Variants in OPCML observed in about 807,000 individuals in gnomAD.
OPCML encodes the protein opioid binding protein/cell adhesion molecule like, also known as opioid-binding protein/cell adhesion molecule.
Under a neutral mutation model 37.8 loss-of-function variants are expected in OPCML, and 13 were observed. That is an observed-to-expected ratio of 0.34 (90% CI 0.22 to 0.55). The LOEUF (loss-of-function observed/expected upper bound fraction) is 0.55. Among genes scored for constraint, OPCML ranks in the 20% least tolerant of loss-of-function variants. The pLI is 0.91. For missense variants in OPCML, 341 were observed against 435.6 expected (o/e 0.78, Z 1.93); for synonymous variants, 176 against 168.8 (o/e 1.04, Z -0.33).
At chr11:133,496,630 T>C (rs1371653296) in intron 1 of OPCML, among the ~76,000 whole-genome samples, 2 of 152,212 alleles carry the variant, frequency 1.3e-5, no homozygotes, top group East Asian at 3.8e-4. Context: ...TTGTTAGGTA[T>C]ATTCCTAAGT....
At chr11:133,276,126 A>G (rs1193026325) in intron 1 of OPCML, among the ~76,000 whole-genome samples, 2 of 152,236 alleles carry the variant, frequency 1.3e-5, no homozygotes, top group Non-Finnish European at 2.9e-5. Context: ...CATGGAAAAT[A>G]TGTCTTTCTT....
intron 1 of OPCML, among the ~76,000 whole-genome samples, chr11:133,158,211 G>A (rs1211138439): frequency 6.6e-6 from 1 of 152,140 alleles, no homozygotes; most frequent in Non-Finnish European, 1.5e-5. Flanking sequence ...GGTGTGGCAA[G>A]TCCCTTCCCG....
chr11:132,475,126 G>T (rs929171718), intron 4 of OPCML, among the ~76,000 whole-genome samples: 1 of 152,126 alleles, frequency 6.6e-6, no homozygotes, highest in Non-Finnish European at 1.5e-5. Context: ...AGAAGCAAAG[G>T]TTGGGTTTTG....
intron 2 of OPCML, among the ~76,000 whole-genome samples, chr11:132,684,075 T>G (rs1943064085): frequency 6.6e-6 from 1 of 152,124 alleles, no homozygotes; most frequent in South Asian, 2.1e-4. Flanking sequence ...AAAAAATCCC[T>G]TTTGCAAATA....
At chr11:132,483,927 T>G (rs1238985787) in intron 4 of OPCML, among the ~76,000 whole-genome samples, 1 of 152,068 alleles carries the variant, frequency 6.6e-6, no homozygotes, top group Non-Finnish European at 1.5e-5. Flanking sequence ...CAAGATGGAT[T>G]AAAGACTTAA....
At chr11:132,969,833 T>C (rs577718114) in intron 1 of OPCML, among the ~76,000 whole-genome samples, 39 of 152,228 alleles carry the variant, frequency 2.6e-4, no homozygotes, top group Non-Finnish European at 5.4e-4. Flanking sequence ...TTTACATTAT[T>C]TCATTAAGCA....
chr11:132,570,823 T>G (rs2137564848), intron 3 of OPCML, among the ~76,000 whole-genome samples: 3 of 111,288 alleles, frequency 2.7e-5, no homozygotes, highest in South Asian at 3.0e-4. Context: ...AGAGAGAGGA[T>G]ATATACTTTA....
intron 3 of OPCML, among the ~76,000 whole-genome samples, chr11:132,598,131 G>T (rs561463452): frequency 1.3e-5 from 2 of 152,154 alleles, no homozygotes; most frequent in African/African-American, 2.4e-5. Flanking sequence ...TGGGAGGGGC[G>T]TAAGGATACA....
chr11:132,577,449 A>C (rs1264688245), intron 3 of OPCML, among the ~76,000 whole-genome samples: 1 of 152,218 alleles, frequency 6.6e-6, no homozygotes, highest in Admixed American at 6.5e-5. Context: ...AACTATATTT[A>C]TATGCCCACA....
chr11:133,453,528 A>G (rs1365779451), intron 1 of OPCML, among the ~76,000 whole-genome samples: 1 of 152,204 alleles, frequency 6.6e-6, no homozygotes, highest in African/African-American at 2.4e-5. Flanking sequence ...AGCCAAACAT[A>G]TAGATTGCAT....
chr11:132,440,444 C>T (rs2096028767), intron 4 of OPCML, among the ~76,000 whole-genome samples: 1 of 152,074 alleles, frequency 6.6e-6, no homozygotes, highest in Admixed American at 6.5e-5. Context: ...GGGCCGGGGC[C>T]CCCACCCTGA....
chr11:133,179,799 A>G (rs1565488942), intron 1 of OPCML, among the ~76,000 whole-genome samples: 1 of 152,204 alleles, frequency 6.6e-6, no homozygotes, highest in Non-Finnish European at 1.5e-5. Context: ...CATTTCAAAT[A>G]GAAGAACAGC....
intron 1 of OPCML, among the ~76,000 whole-genome samples, chr11:133,483,311 CAGAT>C (rs10527085): frequency 6.1e-5 from 9 of 148,516 alleles, no homozygotes; most frequent in East Asian, 4.0e-4. Flanking sequence ...GATAGATAGG[CAGAT>C]AGATAGATAG....
chr11:132,695,754 T>TCATCACATAA (rs1401858821), intron 2 of OPCML, among the ~76,000 whole-genome samples: 1 of 152,176 alleles, frequency 6.6e-6, no homozygotes, highest in Non-Finnish European at 1.5e-5. Context: ...ATAAAAGGAA[T>TCATCACATAA]CATCACATAA....
chr11:133,387,450 C>T (rs1945078650), intron 1 of OPCML, among the ~76,000 whole-genome samples: 1 of 152,196 alleles, frequency 6.6e-6, no homozygotes, highest in Non-Finnish European at 1.5e-5. Flanking sequence ...GACCTGACTG[C>T]TTTCACCTAA....
chr11:132,948,380 T>C (rs756266903), intron 1 of OPCML, among the ~76,000 whole-genome samples: 1 of 152,086 alleles, frequency 6.6e-6, no homozygotes, highest in Non-Finnish European at 1.5e-5. Context: ...AAGCTTAGGA[T>C]TGTAAAGTTT....
chr11:132,823,989 C>T (rs951806375), intron 2 of OPCML, among the ~76,000 whole-genome samples: 1 of 152,192 alleles, frequency 6.6e-6, no homozygotes, highest in Non-Finnish European at 1.5e-5. Context: ...TGCTGGACAC[C>T]TGTCTAATTG....
chr11:132,710,745 C>A (rs886327452), intron 2 of OPCML, among the ~76,000 whole-genome samples: 3 of 151,222 alleles, frequency 2.0e-5, no homozygotes, highest in African/African-American at 7.3e-5. Flanking sequence ...GTTCCAGCTA[C>A]TCAGGAGGCT....
In OPCML at chr11:132,466,317, C is replaced by CAAAA. The variant is rs35491939; in HGVS notation, c.506-28962_506-28959dup. Among the ~76,000 whole-genome samples, 30 of 105,274 alleles carry CAAAA rather than the reference C, an allele frequency of 2.8e-4. No individual in the cohort carries two copies. The South Asian group carries it at 6.2e-3, about 22-fold the overall frequency. The allele number at this position is 105,274 out of a possible 152,430, so 69.1% of individuals were successfully genotyped here. On this transcript the variant is annotated intron_variant, in intron 4 of 7. Coordinates refer to ENST00000524381, the MANE Select transcript of OPCML (RefSeq NM_001012393.5). ...TGAAACCCCGTCTCTACTAAAAATA[C>CAAAA]AAAAAAAAAAAAAAAAAATAGCCAG... is the stretch of plus-strand genomic sequence containing the variant.
Sources: allele counts gnomAD v4.1 joint callset (sites outside exome capture counted in the v4.1 genomes callset), GRCh38; gene constraint gnomAD v4.1.1; transcripts MANE v1.5; gene names NCBI Gene and HGNC (gene_info 2026-07-23, HGNC 2026-07-21).